CCDC34: variants seen among roughly 807,000 people sequenced by gnomAD.
The protein encoded by CCDC34 is coiled-coil domain containing 34.
A neutral mutation model predicts 44.1 loss-of-function variants in CCDC34; 40 were observed. The observed-to-expected ratio is 0.91, with a 90% confidence interval of 0.70 to 1.18. The LOEUF (loss-of-function observed/expected upper bound fraction) is 1.18. Among genes scored for constraint, CCDC34 ranks in the 50% most tolerant of loss-of-function variants. The pLI, the probability that CCDC34 is intolerant of heterozygous loss-of-function variation, is 0.00. For missense variants in CCDC34, 466 were observed against 452.3 expected (o/e 1.03, Z -0.28); for synonymous variants, 159 against 158.2 (o/e 1.01, Z -0.04).
At chr11:27,350,097 G>A (rs1862484677) in intron 3 of CCDC34, 2 of 1,377,404 alleles carry the variant, frequency 1.5e-6, no homozygotes, top group South Asian at 2.1e-5. Flanking sequence ...CAGACTTGGT[G>A]ACTGCCTGCA....
At chr11:27,359,810 A>T (rs1236393568) in intron 1 of CCDC34, among the ~76,000 whole-genome samples, 1 of 152,246 alleles carries the variant, frequency 6.6e-6, no homozygotes, top group Non-Finnish European at 1.5e-5. Flanking sequence ...GTAAGTACTT[A>T]GTAAGTCATT....
rs1565056453 is a variant in CCDC34, at chr11:27,338,980, C to T, written c.963G>A (p.Trp321Ter). ...TGGGAGGTGGCATATGAATTGGTTT[C>T]CACGGAATTGGATTATAAAAGGCTG... The part of the protein sequence containing the change: ...PEPAFYNPIP[W>*]KPIHMPPPKE... The change falls in exon 6 of 6, where the codon TGG (tryptophan) becomes TGA (stop). Residue 321 changes from tryptophan to a stop codon, truncating the protein, a stop_gained. Coordinates refer to ENST00000328697, the MANE Select transcript of CCDC34 (RefSeq NM_030771.2). LOFTEE classifies it low-confidence loss of function (END_TRUNC). 1 of 1,613,676 alleles carries T rather than the reference C, an allele frequency of 6.2e-7. No individual in the cohort carries two copies. Among genetic ancestry groups the T allele is most frequent in the Admixed American group, 1.7e-5 (1 of 59,968 alleles).
chr11:27,338,704 A>C lies in CCDC34; in HGVS notation c.*117T>G. 1.2e-6 allele frequency: 1 copy of C among 859,562 alleles called. No individual in the cohort carries two copies. The highest frequency in any genetic ancestry group is 1.8e-6 in the Non-Finnish European group (1 of 551,734). The allele number at this position is 859,562 out of a possible 1,614,324, so 53.2% of individuals were successfully genotyped here. ...TAAGGACTCCATATACAAATGCAAA[A>C]ATTGCTATTTGTCAATAATCACATT... On this transcript the variant is annotated 3_prime_UTR_variant, in exon 6 of 6. Coordinates refer to ENST00000328697, the MANE Select transcript of CCDC34 (RefSeq NM_030771.2).
chr11:27,359,300 A>G (rs185817304), intron 1 of CCDC34, among the ~76,000 whole-genome samples: 48 of 151,894 alleles, frequency 3.2e-4, no homozygotes, highest in Admixed American at 2.2e-3. Context: ...CAGACTCTAC[A>G]TTTCACTCAC....
At chr11:27,350,153 G>GAGGGCAA in intron 3 of CCDC34, 179 bp downstream of exon 3, 2 of 1,479,628 alleles carry the variant, frequency 1.4e-6, no homozygotes, top group Non-Finnish European at 1.8e-6. Context: ...GAGAAAAGTA[G>GAGGGCAA]AGGGCAAAGG....
intron 1 of CCDC34, among the ~76,000 whole-genome samples, chr11:27,361,420 G>A: frequency 6.6e-6 from 1 of 152,186 alleles, no homozygotes. Context: ...TGCTCAGAAA[G>A]TATTTCCTAA....
intron 4 of CCDC34, 56 bp from the exon 5 acceptor site, chr11:27,340,893 T>C: frequency 1.3e-6 from 2 of 1,542,696 alleles, no homozygotes; most frequent in South Asian, 1.2e-5. Context: ...ATACATTCCA[T>C]TCAAATTCTA....
intron 1 of CCDC34, among the ~76,000 whole-genome samples, chr11:27,360,100 T>C (rs1322676007): frequency 6.6e-6 from 1 of 152,222 alleles, no homozygotes; most frequent in Non-Finnish European, 1.5e-5. Flanking sequence ...TTATAACAAA[T>C]GTGTTCAAAA....
At chr11:27,355,848 G>A (rs763422431) in intron 2 of CCDC34, among the ~76,000 whole-genome samples, 6 of 151,942 alleles carry the variant, frequency 3.9e-5, no homozygotes, top group Non-Finnish European at 8.8e-5. Flanking sequence ...CATACAATAG[G>A]AAAACAGCAG....
intron 1 of CCDC34, 94 bp from the exon 2 acceptor site, chr11:27,357,635 A>AG: frequency 9.4e-7 from 1 of 1,062,478 alleles, no homozygotes; most frequent in Admixed American, 2.5e-5. Context: ...AAAACTTAAT[A>AG]GTGTATTTTC....
chr11:27,359,258 C>G (rs1467694869), intron 1 of CCDC34, among the ~76,000 whole-genome samples: 1 of 152,166 alleles, frequency 6.6e-6, no homozygotes, highest in Non-Finnish European at 1.5e-5. Context: ...CTTTGCCTAT[C>G]TTCCAGCCTC....
chr11:27,346,070 A>T (rs1862428451), intron 3 of CCDC34, among the ~76,000 whole-genome samples: 1 of 152,048 alleles, frequency 6.6e-6, no homozygotes. Flanking sequence ...ACCAACAATT[A>T]AAAAAACTGA....
intron 3 of CCDC34, among the ~76,000 whole-genome samples, chr11:27,348,461 C>T (rs1320418886): frequency 1.3e-5 from 2 of 152,130 alleles, no homozygotes; most frequent in African/African-American, 4.8e-5. Flanking sequence ...ACCACGGCAA[C>T]ACAAATGTTA....
rs1426328092 is a variant in CCDC34 at position 27,363,195 on chromosome 11, C to G, written c.-1G>C. ...GCCCCCAGCGCCCCGCCGCCCACAT[C>G]TGGCCCGCCAAGTTCAAACTGGCGG... On this transcript the variant is annotated 5_prime_UTR_variant, in exon 1 of 6. Coordinates refer to ENST00000328697, the MANE Select transcript of CCDC34 (RefSeq NM_030771.2). 2.0e-6 allele frequency: 3 copies of G among 1,473,642 alleles called. No homozygotes were observed. The highest frequency in any genetic ancestry group is 2.7e-6 in the Non-Finnish European group (3 of 1,120,470). The allele number at this position is 1,473,642 out of a possible 1,614,324, so 91.3% of individuals were successfully genotyped here.
chr11:27,347,552 C>T (rs1363190074), intron 3 of CCDC34, among the ~76,000 whole-genome samples: 4 of 151,896 alleles, frequency 2.6e-5, no homozygotes, highest in Non-Finnish European at 5.9e-5. Flanking sequence ...TCATAGAATA[C>T]TATAGTCAGC....
At chr11:27,347,653 T>C (rs1862451785) in intron 3 of CCDC34, among the ~76,000 whole-genome samples, 1 of 152,048 alleles carries the variant, frequency 6.6e-6, no homozygotes, top group East Asian at 1.9e-4. Flanking sequence ...TCCATTTATA[T>C]GAAATTATAG....
At chr11:27,349,692 A>G in intron 3 of CCDC34, 2 of 981,922 alleles carry the variant, frequency 2.0e-6, no homozygotes, top group Non-Finnish European at 2.4e-6. Context: ...AAAGGAAAAA[A>G]TGCAGCCATT....
At chr11:27,361,873 A>AAAT (rs1402787527) in intron 1 of CCDC34, among the ~76,000 whole-genome samples, 54 of 152,188 alleles carry the variant, frequency 3.5e-4, no homozygotes, top group Non-Finnish European at 6.8e-4. Flanking sequence ...TGATTTCCGA[A>AAAT]GAAAACGTAA....
chr11:27,348,765 T>G, intron 3 of CCDC34: 1 of 778,664 alleles, frequency 1.3e-6, no homozygotes, highest in Non-Finnish European at 1.5e-6. Context: ...GAGGTAAATG[T>G]AACTATGTCT....
Sources: gnomAD v4.1 joint callset for allele counts (sites outside exome capture counted in the v4.1 genomes callset) on GRCh38, gnomAD v4.1.1 for gene constraint, MANE v1.5 for transcripts, NCBI Gene and HGNC (gene_info 2026-07-23, HGNC 2026-07-21) for gene names.